PCBD1: variants seen among roughly 807,000 people sequenced by gnomAD.
PCBD1 encodes the protein pterin-4-alpha-carbinolamine dehydratase.
A neutral mutation model predicts 12.6 loss-of-function variants in PCBD1; 16 were observed. The observed-to-expected ratio is 1.27, with a 90% CI of 0.86 to 1.93. The LOEUF (loss-of-function observed/expected upper bound fraction) is 1.93, where lower values mean the gene tolerates loss of function less well. PCBD1 is among the 30% of genes most tolerant of loss of function. The probability of loss-of-function intolerance (pLI) is 0.00; values close to 1 mark genes in which losing one functional copy is unlikely to be tolerated. For missense variants in PCBD1, 86 were observed against 130.1 expected (o/e 0.66, Z 1.65); for synonymous variants, 53 against 50.2 (o/e 1.05, Z -0.23).
intron 1 of PCBD1, 115 bp from the exon 2 acceptor site, chr10:70,886,044 C>A: frequency 7.3e-7 from 1 of 1,372,330 alleles, no homozygotes; most frequent in African/African-American, 1.4e-5. Flanking sequence ...ACGTGGGTGA[C>A]CAAAGGGCAG....
At chr10:70,888,406 T>A in intron 1 of PCBD1, 125 bp downstream of exon 1, 1 of 1,136,980 alleles carries the variant, frequency 8.8e-7, no homozygotes, top group Non-Finnish European at 1.2e-6. Flanking sequence ...GAGACCCCAC[T>A]TTCGGACCCC....
Position 70,883,565 on chromosome 10 carries a change from T to C in PCBD1, c.*385A>G, listed in dbSNP as rs1846530480. 1 of 1,145,004 alleles carries C rather than the reference T, an allele frequency of 8.7e-7. No individual in the cohort carries two copies. Among genetic ancestry groups the C allele is most frequent in the South Asian group, 2.1e-5 (1 of 47,652 alleles). The allele number at this position is 1,145,004 out of a possible 1,614,324, so 70.9% of individuals were successfully genotyped here. On this transcript the variant is annotated 3_prime_UTR_variant, in exon 4 of 4. Coordinates refer to ENST00000299299, the MANE Select transcript of PCBD1 (RefSeq NM_000281.4). ...TAAAAACACATGTGTTTCTATTACA[T>C]AGTGTGGGGTTTAGGGTCCTGGTTT...
At chr10:70,885,518 G>A (rs1564636656) in intron 2 of PCBD1, among the ~76,000 whole-genome samples, 1 of 152,234 alleles carries the variant, frequency 6.6e-6, no homozygotes, top group Non-Finnish European at 1.5e-5. Flanking sequence ...CTTCAGATGT[G>A]CATGGTTTCC....
Position 70,883,992 on chromosome 10 carries a change from GT to G in PCBD1, c.272del (p.Asn91ThrfsTer9), listed in dbSNP as rs1589483932. 6.2e-7 allele frequency: 1 copy of G among 1,614,128 alleles called. No homozygotes were observed. The highest frequency in any genetic ancestry group is 8.5e-7 in the Non-Finnish European group (1 of 1,180,024). On this transcript the variant is annotated frameshift_variant, in exon 4 of 4. Transcript: ENST00000299299. LOFTEE classifies it high-confidence loss of function. ...CTACTTGTTCGATGAAGCTGGCCAG[GT>G]TTATGTCCCGTTCTGAAAGGCCGGC... ...ECAGLSERDI[N>X]LASFIEQVAV... is the part of the protein sequence containing the mutation.
intron 3 of PCBD1, 51 bp from the exon 4 acceptor site, chr10:70,884,099 AG>A (rs1276874109): frequency 6.3e-7 from 1 of 1,584,542 alleles, no homozygotes; most frequent in African/African-American, 1.3e-5. Context: ...TAAGAACAGG[AG>A]GGAGTCACTA....
downstream of PCBD1, chr10:70,882,382 T>C (rs1846511285): frequency 6.6e-6 from 1 of 152,210 alleles, no homozygotes. Flanking sequence ...AATTGGCTCA[T>C]GTGATTATGG....
intron 1 of PCBD1, among the ~76,000 whole-genome samples, chr10:70,887,676 C>A (rs2854615): frequency 6.6e-6 from 1 of 152,066 alleles, no homozygotes; most frequent in Non-Finnish European, 1.5e-5. Flanking sequence ...TTCCAGGTGC[C>A]GGCTCTGGAG....
Position 70,884,025 on chromosome 10 carries a change from A to C in PCBD1, c.240T>G (p.His80Gln). Residue 80 changes from histidine (H) to glutamine (Q), a missense_variant, in exon 4 of 4, where the codon CAT (histidine) becomes CAG (glutamine). Coordinates refer to ENST00000299299, the MANE Select transcript of PCBD1 (RefSeq NM_000281.4). ...YNKVHITLSTHECAGLSERDI... is the reference protein window; with the variant it reads ...YNKVHITLSTQECAGLSERDI... ...CCCGTTCTGAAAGGCCGGCACACTC[A>C]TGGGTGCTCAGCGTGATGTGGACCT... The C allele has an allele frequency of 6.2e-7, 1 of 1,614,088 alleles. No homozygotes were observed. The highest frequency in any genetic ancestry group is 8.5e-7 in the Non-Finnish European group (1 of 1,180,002).
At chr10:70,884,620 T>C (rs190172003) in intron 3 of PCBD1, among the ~76,000 whole-genome samples, 35 of 151,842 alleles carry the variant, frequency 2.3e-4, no homozygotes, top group Middle Eastern at 3.4e-3. Flanking sequence ...TAGCTGGGAC[T>C]ACAGGCGTCC....
rs775714264 is a variant in PCBD1 at position 70,885,255 on chromosome 10, A to G, written c.136-23T>C. 8.2e-6 allele frequency: 13 copies of G among 1,594,858 alleles called. No homozygotes were observed. In the Admixed American group the frequency reaches 2.2e-4, roughly 27 times the overall value. On this transcript the variant is annotated intron_variant, in intron 2 of 3. Transcript: ENST00000299299. ...GGCCTATTTAAGTGGAGTGAGAGCC[A>G]GGTTAGTGTTCTAAGAGAAAGGACT...
At chr10:70,887,896 G>C (rs827241) in intron 1 of PCBD1, 24,742 of 152,346 alleles carry the variant, frequency 0.16, 2,243 homozygotes, top group Non-Finnish European at 0.2. Context: ...GATGAAGCTC[G>C]CGAGCTTACA....
chr10:70,884,080 GACTTC>G (rs1426241570), intron 3 of PCBD1, 32 bp from the exon 4 acceptor site: 14 of 1,606,298 alleles, frequency 8.7e-6, no homozygotes, highest in South Asian at 1.1e-5. Context: ...TGCTTCCACT[GACTTC>G]ACTTAAGAAC....
chr10:70,882,461 C>T (rs959198127), downstream of PCBD1: 3 of 152,250 alleles, frequency 2.0e-5, no homozygotes, highest in Non-Finnish European at 4.4e-5. Context: ...TATTGTTGCA[C>T]ACCGGAGGCT....
rs758469697 is a variant in PCBD1, at chr10:70,883,918, C to T, written c.*32G>A. ...GGACTCCCAGTTCAGTCACCCCTTC[C>T]CCCGGAAGAATTCAAAGAGGAAGGG... On this transcript the variant is annotated 3_prime_UTR_variant, in exon 4 of 4. Coordinates refer to ENST00000299299, the MANE Select transcript of PCBD1 (RefSeq NM_000281.4). 1.9e-6 allele frequency: 3 copies of T among 1,603,562 alleles called. No homozygotes were observed. In the Admixed American group the frequency reaches 5.1e-5, roughly 27 times the overall value.
chr10:70,884,101 G>A, intron 3 of PCBD1, 53 bp from the exon 4 acceptor site: 1 of 1,579,416 alleles, frequency 6.3e-7, no homozygotes, highest in East Asian at 2.3e-5. Context: ...AGAACAGGAG[G>A]GAGTCACTAG....
In PCBD1 at chr10:70,885,788, G is replaced by A. The variant is rs1213589983; in HGVS notation, c.135+10C>T. 1 of 1,613,750 alleles carries A rather than the reference G, an allele frequency of 6.2e-7. No individual in the cohort carries two copies. Among genetic ancestry groups the A allele is most frequent in the Non-Finnish European group, 8.5e-7 (1 of 1,179,918 alleles). ...GTCTCAGAAAACTCTGTCCCACCCTGGTGCCATACCCTGTTGAAGTCTTTG... is the reference window on the plus strand; with the variant it reads ...GTCTCAGAAAACTCTGTCCCACCCTAGTGCCATACCCTGTTGAAGTCTTTG... On this transcript the variant is annotated intron_variant, in intron 2 of 3. Coordinates refer to ENST00000299299, the MANE Select transcript of PCBD1 (RefSeq NM_000281.4).
At chr10:70,888,424 C>T in intron 1 of PCBD1, 107 bp downstream of exon 1, 1 of 1,316,858 alleles carries the variant, frequency 7.6e-7, no homozygotes, top group South Asian at 1.5e-5. Flanking sequence ...CCCGGCGGCT[C>T]CGCAGGGGAC....
Position 70,884,800 on chromosome 10 carries a change from C to T in PCBD1, c.216+352G>A, listed in dbSNP as rs190882791. Among the ~76,000 whole-genome samples the T allele has an allele frequency of 1.1e-3, 168 of 152,232 alleles. 3 individuals carry two copies. The highest frequency in any genetic ancestry group is 0.011 in the Admixed American group (166 of 15,286). ...CTTTTTCATTCTTCCATACCTCCAGCAAGATTAAAGCCATTTAGAGCTATG... is the reference window on the plus strand; with the variant it reads ...CTTTTTCATTCTTCCATACCTCCAGTAAGATTAAAGCCATTTAGAGCTATG... On this transcript the variant is annotated intron_variant, in intron 3 of 3. Transcript: ENST00000299299.
At chr10:70,887,814 C>G (rs1482947121) in intron 1 of PCBD1, 1 of 152,470 alleles carries the variant, frequency 6.6e-6, no homozygotes, top group Non-Finnish European at 1.5e-5. Context: ...CCTCCCTCCC[C>G]CAAGTCCCTC....
Sources: gnomAD v4.1 joint callset for allele counts (sites outside exome capture counted in the v4.1 genomes callset) on GRCh38, gnomAD v4.1.1 for gene constraint, MANE v1.5 for transcripts, NCBI Gene and HGNC (gene_info 2026-07-23, HGNC 2026-07-21) for gene names.